Variants in KCNT2 observed in about 807,000 individuals in gnomAD.
The protein encoded by KCNT2 is potassium channel subfamily T member 2.
KCNT2 carries 67 observed loss-of-function variants against 153.8 expected under a neutral mutation model. The observed-to-expected ratio is 0.44, with a 90% CI of 0.36 to 0.53. The LOEUF (loss-of-function observed/expected upper bound fraction) is 0.53, where lower values mean the gene tolerates loss of function less well. KCNT2 is among the 20% of genes least tolerant of loss of function. KCNT2 has a pLI of 0.00. For missense variants in KCNT2, 975 were observed against 1,354.8 expected (o/e 0.72, Z 4.40); for synonymous variants, 500 against 458.8 (o/e 1.09, Z -1.15).
Position 196,428,198 on chromosome 1 carries a change from T to C in KCNT2, c.891A>G (p.Gln297=). ...SGGNYSRHRA[Q]TEKHVVLCVS... is the part of the protein sequence containing the mutation. ...CACACAGGACGACATGCTTTTCAGT[T>C]TGAGCTCTATGTCGACTATAGTTTC... The change falls in exon 10 of 28, where the codon CAA becomes CAG. Residue 297 remains glutamine (Q), a synonymous_variant. Coordinates refer to ENST00000294725, the MANE Select transcript of KCNT2 (RefSeq NM_198503.5). 1 of 1,612,512 alleles carries C rather than the reference T, an allele frequency of 6.2e-7. No homozygotes were observed. The highest frequency in any genetic ancestry group is 8.5e-7 in the Non-Finnish European group (1 of 1,178,830).
At chr1:196,395,281 G>C (rs899483864) in intron 13 of KCNT2, among the ~76,000 whole-genome samples, 2 of 151,580 alleles carry the variant, frequency 1.3e-5, no homozygotes, top group Non-Finnish European at 3.0e-5. Context: ...CGTTAAATGA[G>C]TTGGGAAGAT....
rs1224298879 is a variant in KCNT2, at chr1:196,403,605, C to T, written c.1186-4934G>A. ...GGTTCATCAGTTTCAACAAATGTAT[C>T]ACAATAATGGAAGATGTTAAAAATA... On this transcript the variant is annotated intron_variant, in intron 12 of 27. Transcript: ENST00000294725. Among the ~76,000 whole-genome samples the T allele has an allele frequency of 4.0e-5, 6 of 151,008 alleles. No individual in the cohort carries two copies. In the East Asian group the frequency reaches 1.2e-3, roughly 30 times the overall value.
chr1:196,556,027 A>G (rs558396153), intron 1 of KCNT2, among the ~76,000 whole-genome samples: 4 of 151,608 alleles, frequency 2.6e-5, no homozygotes, highest in Non-Finnish European at 5.9e-5. Flanking sequence ...ACTTAAATCT[A>G]AGACCTCAAG....
chr1:196,461,335 G>C (rs1677136525), intron 8 of KCNT2, among the ~76,000 whole-genome samples: 1 of 151,616 alleles, frequency 6.6e-6, no homozygotes, highest in Non-Finnish European at 1.5e-5. Flanking sequence ...ATAAGACTGA[G>C]AAGGTGAATT....
rs528266343 is a variant in KCNT2, at chr1:196,581,412, C to A, written c.95+26803G>T. On this transcript the variant is annotated intron_variant, in intron 1 of 27. Transcript: ENST00000294725. ...TATATGTGAAATACACATGTATATT[C>A]CAAACTAAGCAAAAATAAAACATTA... is the stretch of plus-strand genomic sequence containing the variant. Among the ~76,000 whole-genome samples, 5 of 152,046 alleles carry A rather than the reference C, an allele frequency of 3.3e-5. No individual in the cohort carries two copies. The East Asian group carries it at 9.7e-4, about 29-fold the overall frequency.
chr1:196,241,786 T>G lies in KCNT2; in HGVS notation c.3212-5716A>C, dbSNP rs529214184. On this transcript the variant is annotated intron_variant, in intron 26 of 27. Transcript: ENST00000294725. ...GCAAATAAAACTAATTACTTGATAC[T>G]CAATTTTCCTTTCAAAATAGAGTAT... Among the ~76,000 whole-genome samples the G allele has an allele frequency of 1.2e-4, 19 of 152,232 alleles. No homozygotes were observed. The East Asian group carries it at 3.7e-3, about 29-fold the overall frequency.
rs145320523 is a variant in KCNT2 at position 196,584,418 on chromosome 1, T to C, written c.95+23797A>G. ...TGAGCAGCTTTTATTAAAAAGATTC[T>C]AATGTTACAGTTTGTTTCCTATTCA... On this transcript the variant is annotated intron_variant, in intron 1 of 27. Transcript: ENST00000294725. Among the ~76,000 whole-genome samples the C allele has an allele frequency of 5.4e-4, 82 of 152,194 alleles. 1 individual carries two copies. Among genetic ancestry groups the C allele is most frequent in the African/African-American group, 1.9e-3 (79 of 41,556 alleles).
chr1:196,382,353 C>A (rs1448256204), intron 13 of KCNT2, among the ~76,000 whole-genome samples: 3 of 151,808 alleles, frequency 2.0e-5, no homozygotes, highest in African/African-American at 7.3e-5. Flanking sequence ...GTGATCCGCC[C>A]ACCTCCGCCT....
chr1:196,403,779 G>T (rs866433536), intron 12 of KCNT2, among the ~76,000 whole-genome samples: 1 of 151,530 alleles, frequency 6.6e-6, no homozygotes, highest in African/African-American at 2.4e-5. Context: ...AGTGAGAAAA[G>T]CATGATCTGT....
intron 1 of KCNT2, among the ~76,000 whole-genome samples, chr1:196,496,817 C>T (rs1051646777): frequency 1.3e-5 from 2 of 152,188 alleles, no homozygotes; most frequent in African/African-American, 4.8e-5. Flanking sequence ...ATCATTTAGA[C>T]ACACGAATTC....
At chr1:196,375,751 A>G (rs1668908583) in intron 13 of KCNT2, among the ~76,000 whole-genome samples, 1 of 151,740 alleles carries the variant, frequency 6.6e-6, no homozygotes, top group African/African-American at 2.4e-5. Flanking sequence ...AATATTTATT[A>G]TAAAAAGAGA....
chr1:196,404,228 C>A (rs1671651580), intron 12 of KCNT2: 1 of 559,036 alleles, frequency 1.8e-6, no homozygotes, highest in Non-Finnish European at 2.3e-6. Context: ...ACAGCCTAAT[C>A]TAAAAACTTG....
chr1:196,505,815 G>T (rs530566014), intron 1 of KCNT2, among the ~76,000 whole-genome samples: 155 of 152,120 alleles, frequency 1.0e-3, no homozygotes, highest in Non-Finnish European at 1.2e-4. Flanking sequence ...TTGTAAGTTG[G>T]ATTCCTAGGT....
At chr1:196,558,877 T>TC (rs1310386064) in intron 1 of KCNT2, among the ~76,000 whole-genome samples, 4 of 151,566 alleles carry the variant, frequency 2.6e-5, no homozygotes, top group African/African-American at 9.7e-5. Flanking sequence ...TTTAATTACA[T>TC]CACACAAGTT....
At position 196,258,248 on chromosome 1, in the gene KCNT2, C is replaced by G; in HGVS notation, c.3157G>C (p.Ala1053Pro). The G allele has an allele frequency of 6.2e-7, 1 of 1,614,030 alleles. No homozygotes were observed. Among genetic ancestry groups the G allele is most frequent in the Non-Finnish European group, 8.5e-7 (1 of 1,179,910 alleles). Reference protein sequence around the residue: ...LYRRSERQELAELVKNRMKHL... With the variant: ...LYRRSERQELPELVKNRMKHL... ...TTCATTCTATTTTTCACAAGTTCAG[C>G]AAGCTCTTGTCTTTCTGACCTCCTG... is the stretch of plus-strand genomic sequence containing the variant. The change falls in exon 26 of 28, where the codon GCT (alanine) becomes CCT (proline). Residue 1053 changes from alanine to proline, a missense_variant. Ala to Pro is a conservative substitution (Grantham distance 27, BLOSUM62 -1). Coordinates refer to ENST00000294725, the MANE Select transcript of KCNT2 (RefSeq NM_198503.5).
At chr1:196,371,786 C>A (rs1572203221) in intron 14 of KCNT2, among the ~76,000 whole-genome samples, 1 of 151,916 alleles carries the variant, frequency 6.6e-6, no homozygotes. Context: ...ATAATATTTA[C>A]TAGGAGATGC....
At chr1:196,312,127 T>A (rs1662240463) in intron 21 of KCNT2, among the ~76,000 whole-genome samples, 2 of 151,848 alleles carry the variant, frequency 1.3e-5, no homozygotes, top group African/African-American at 4.8e-5. Flanking sequence ...GAGTGTCTTC[T>A]TTTAGATGTG....
At chr1:196,488,520 C>T (rs561987351) in intron 3 of KCNT2, among the ~76,000 whole-genome samples, 1 of 151,904 alleles carries the variant, frequency 6.6e-6, no homozygotes, top group Non-Finnish European at 1.5e-5. Context: ...CTGCTAACAC[C>T]CACCAAATGC....
At chr1:196,310,349 T>C (rs867506344) in intron 21 of KCNT2, among the ~76,000 whole-genome samples, 25 of 151,986 alleles carry the variant, frequency 1.6e-4, no homozygotes, top group African/African-American at 6.0e-4. Flanking sequence ...AAAACAAGTA[T>C]AAATGTATGT....
Sources: gnomAD v4.1 joint callset for allele counts (sites outside exome capture counted in the v4.1 genomes callset) on GRCh38, gnomAD v4.1.1 for gene constraint, MANE v1.5 for transcripts, NCBI Gene and HGNC (gene_info 2026-07-23, HGNC 2026-07-21) for gene names.